The following ANO5 variants were observed in gnomAD, a reference collection of about 807,000 sequenced individuals.
The protein encoded by ANO5 is anoctamin 5.
Under a neutral mutation model 121.0 loss-of-function variants are expected in ANO5, and 109 were observed. The ratio of observed to expected loss-of-function variants is 0.90; its 90% CI spans 0.77 to 1.06. The LOEUF (loss-of-function observed/expected upper bound fraction) is 1.06. Ranked by LOEUF, ANO5 falls within the 50% of genes least tolerant of loss-of-function variation. The pLI is 0.00. For missense variants in ANO5, 1,064 were observed against 1,078.5 expected, an observed-to-expected ratio of 0.99 and a Z score of 0.19; for synonymous variants, 406 against 359.9, an observed-to-expected ratio of 1.13 and a Z score of -1.45.
At chr11:22,209,036 G>A (rs1852203268) in intron 2 of ANO5, among the ~76,000 whole-genome samples, 3 of 151,908 alleles carry the variant, frequency 2.0e-5, no homozygotes, top group South Asian at 2.1e-4. Context: ...TTTTTATCCA[G>A]TAACAAATTT....
chr11:22,214,180 C>G (rs980582771), intron 3 of ANO5, among the ~76,000 whole-genome samples: 1 of 151,948 alleles, frequency 6.6e-6, no homozygotes, highest in African/African-American at 2.4e-5. Flanking sequence ...GTTGGAATTA[C>G]AAGACATAAG....
At chr11:22,263,237 T>G (rs1476980255) in intron 17 of ANO5, among the ~76,000 whole-genome samples, 194 bp downstream of exon 17, 1 of 152,124 alleles carries the variant, frequency 6.6e-6, no homozygotes, top group Non-Finnish European at 1.5e-5. Context: ...ATTTATTTAT[T>G]TTGGTTCCAT....
intron 17 of ANO5, among the ~76,000 whole-genome samples, chr11:22,264,606 G>A (rs989781920): frequency 6.6e-6 from 1 of 152,026 alleles, no homozygotes; most frequent in Non-Finnish European, 1.5e-5. Flanking sequence ...ATTAGAAAGT[G>A]AACTTACCCC....
intron 9 of ANO5, among the ~76,000 whole-genome samples, chr11:22,246,584 C>T (rs1191926138): frequency 3.3e-5 from 5 of 151,964 alleles, no homozygotes; most frequent in Admixed American, 3.3e-4. Context: ...TGCCTGTAAT[C>T]TCAGCACTTT....
At position 22,274,559 on chromosome 11, in the gene ANO5, T is replaced by TA. The variant is rs777519959; in HGVS notation, c.2236-9dup. On this transcript the variant is annotated splice_polypyrimidine_tract_variant and intron_variant, in intron 19 of 21. Coordinates refer to ENST00000324559, the MANE Select transcript of ANO5 (RefSeq NM_213599.3). ...CTGATGATCTTCCTCTTTTTTTTTT[T>TA]ATTCTTCAGGCCTTTATTGTTGCAT... The TA allele has an allele frequency of 9.6e-6, 15 of 1,555,218 alleles. No individual in the cohort carries two copies. In the African/African-American group the frequency reaches 9.7e-5, roughly 10 times the overall value.
intron 21 of ANO5, among the ~76,000 whole-genome samples, chr11:22,278,197 A>C (rs535762753): frequency 6.6e-6 from 1 of 151,732 alleles, no homozygotes; most frequent in African/African-American, 2.4e-5. Flanking sequence ...GGATTCTGTC[A>C]TTAGCCCCAT....
intron 16 of ANO5, 49 bp from the exon 17 acceptor site, chr11:22,262,897 C>T: frequency 7.0e-7 from 1 of 1,433,052 alleles, no homozygotes; most frequent in East Asian, 2.3e-5. Context: ...TTGCAAAATT[C>T]CATCTTTGAT....
intron 5 of ANO5, among the ~76,000 whole-genome samples, chr11:22,224,047 A>G (rs1852745832): frequency 6.6e-6 from 1 of 151,824 alleles, no homozygotes; most frequent in Non-Finnish European, 1.5e-5. Context: ...TCTATTGTGT[A>G]TGTTCTTCAT....
At position 22,250,375 on chromosome 11, in the gene ANO5, A is replaced by T; in HGVS notation, c.1013+4A>T. 6.2e-7 allele frequency: 1 copy of T among 1,613,468 alleles called. No homozygotes were observed. The highest frequency in any genetic ancestry group is 8.5e-7 in the Non-Finnish European group (1 of 1,179,668). ...CAATGGAACATAACACAAGCAGGTA[A>T]GTGCACCTGAGTTGCCCAGATAGAG... On this transcript the variant is annotated splice_donor_region_variant and intron_variant, in intron 10 of 21. Coordinates refer to ENST00000324559, the MANE Select transcript of ANO5 (RefSeq NM_213599.3).
chr11:22,248,273 A>T (rs1853687928), intron 9 of ANO5, among the ~76,000 whole-genome samples: 1 of 152,058 alleles, frequency 6.6e-6, no homozygotes, highest in Non-Finnish European at 1.5e-5. Context: ...GATCAGTTGA[A>T]AGTCTAATAA....
intron 9 of ANO5, among the ~76,000 whole-genome samples, chr11:22,243,692 A>ATT (rs1853509620): frequency 2.6e-5 from 1 of 38,964 alleles, no homozygotes; most frequent in African/African-American, 5.3e-5. Flanking sequence ...TAGATTTTCT[A>ATT]ATTTATGTGC....
chr11:22,213,516 A>G (rs1852347743), intron 3 of ANO5, among the ~76,000 whole-genome samples: 1 of 151,834 alleles, frequency 6.6e-6, no homozygotes, highest in Non-Finnish European at 1.5e-5. Context: ...TCTTCATGTC[A>G]TATCAAGGGT....
intron 21 of ANO5, among the ~76,000 whole-genome samples, 174 bp downstream of exon 21, chr11:22,276,373 C>A (rs1222123776): frequency 6.6e-6 from 1 of 151,626 alleles, no homozygotes; most frequent in Non-Finnish European, 1.5e-5. Flanking sequence ...AATGGATTGC[C>A]TATTATTCAC....
chr11:22,202,024 C>T lies in ANO5; in HGVS notation c.41-1780C>T, dbSNP rs1280593061. ...GAGACTAGTGGGCCAGACTTAAGAG[C>T]GTGAAAGGGTGAGGTTGGAGAGGTT... On this transcript the variant is annotated intron_variant, in intron 1 of 21. Coordinates refer to ENST00000324559, the MANE Select transcript of ANO5 (RefSeq NM_213599.3). Among the ~76,000 whole-genome samples the T allele has an allele frequency of 4.0e-5, 6 of 151,844 alleles. No individual in the cohort carries two copies. The East Asian group carries it at 5.8e-4, about 15-fold the overall frequency.
chr11:22,239,334 T>TTAC (rs1259310503), intron 8 of ANO5, among the ~76,000 whole-genome samples: 2 of 152,104 alleles, frequency 1.3e-5, no homozygotes, highest in Non-Finnish European at 2.9e-5. Flanking sequence ...AAAGAATAGC[T>TTAC]TGAGTAAAGC....
intron 3 of ANO5, among the ~76,000 whole-genome samples, chr11:22,212,561 C>A (rs1852315555): frequency 6.6e-6 from 1 of 151,844 alleles, no homozygotes. Context: ...TTGTAACAAA[C>A]CTGTGAAAGT....
rs1564957741 is a variant in ANO5 at position 22,280,407 on chromosome 11, CA to C, written c.*644del. 1 of 151,730 alleles carries C rather than the reference CA, an allele frequency of 6.6e-6. No individual in the cohort carries two copies. Among genetic ancestry groups the C allele is most frequent in the African/African-American group, 2.4e-5 (1 of 41,358 alleles). 9.4% of individuals were successfully genotyped at this position (151,730 alleles called of 1,614,324 possible). A position where few individuals can be genotyped will look rare whatever the true frequency, so the allele number is the denominator to read the frequency against. ...TTCTCGAGACTGAAATTTTGGGTTTCAACATAAAACAACTTGGTTCTTAGAG... is the reference window on the plus strand; with the variant it reads ...TTCTCGAGACTGAAATTTTGGGTTTCACATAAAACAACTTGGTTCTTAGAG... On this transcript the variant is annotated 3_prime_UTR_variant, in exon 22 of 22. Transcript: ENST00000324559.
intron 17 of ANO5, among the ~76,000 whole-genome samples, chr11:22,265,364 T>C (rs1220244564): frequency 6.6e-6 from 1 of 152,170 alleles, no homozygotes; most frequent in Non-Finnish European, 1.5e-5. Flanking sequence ...TTAACTATTA[T>C]TTAAAGTGCT....
chr11:22,255,298 T>A, intron 12 of ANO5, 73 bp from the exon 13 acceptor site: 1 of 1,245,648 alleles, frequency 8.0e-7, no homozygotes, highest in Non-Finnish European at 1.1e-6. Context: ...GCAACCAAAG[T>A]AATTAAAGGG....
Sources: allele counts gnomAD v4.1 joint callset (sites outside exome capture counted in the v4.1 genomes callset), GRCh38; gene constraint gnomAD v4.1.1; transcripts MANE v1.5; gene names NCBI Gene and HGNC (gene_info 2026-07-23, HGNC 2026-07-21).